The following CALN1 variants were observed in gnomAD, a reference collection of about 807,000 sequenced individuals.
The protein encoded by CALN1 is calcium-binding protein 8.
A neutral mutation model predicts 30.6 loss-of-function variants in CALN1; 17 were observed. The ratio of observed to expected loss-of-function variants is 0.56; its 90% CI spans 0.38 to 0.83. CALN1 has a LOEUF of 0.83. CALN1 is among the 40% of genes least tolerant of loss of function. CALN1 has a pLI of 0.00. For synonymous variants in CALN1, 156 were observed against 131.4 expected (o/e 1.19, Z -1.28); for missense variants, 291 against 354.9 (o/e 0.82, Z 1.45).
chr7:72,481,122 T>C, the CALN1 span, among the ~76,000 whole-genome samples: 1 of 152,190 alleles, frequency 6.6e-6, no homozygotes, highest in Non-Finnish European at 1.5e-5. Context: ...ACGGCTAATT[T>C]TTGTTTTTCT....
rs1239128140 is a variant in CALN1 at position 72,113,342 on chromosome 7, C to CT, written c.245-7049dup. Among the ~76,000 whole-genome samples, 22 of 152,310 alleles carry CT rather than the reference C, an allele frequency of 1.4e-4. No individual in the cohort carries two copies. The East Asian group carries it at 4.3e-3, about 29-fold the overall frequency. On this transcript the variant is annotated intron_variant, in intron 3 of 6. Transcript: ENST00000395275. ...ACCATGGGATCTTTGCACACACTGGCTCCCCTTTGCCTTTCTCCACGGGTA... is the reference window on the plus strand; with the variant it reads ...ACCATGGGATCTTTGCACACACTGGCTTCCCCTTTGCCTTTCTCCACGGGTA...
At chr7:71,788,912 C>G (rs1186728504) in intron 6 of CALN1, among the ~76,000 whole-genome samples, 1 of 151,860 alleles carries the variant, frequency 6.6e-6, no homozygotes, top group East Asian at 2.0e-4. Flanking sequence ...CCCGCCTTGG[C>G]CTCCCAAAGT....
At chr7:71,866,044 C>T (rs952631079) in intron 5 of CALN1, among the ~76,000 whole-genome samples, 4 of 151,674 alleles carry the variant, frequency 2.6e-5, no homozygotes, top group African/African-American at 4.8e-5. Flanking sequence ...CTCGCTCTGT[C>T]GCCCAGGTTG....
At chr7:72,107,034 G>GAA (rs1563064389) in intron 3 of CALN1, among the ~76,000 whole-genome samples, 2 of 147,024 alleles carry the variant, frequency 1.4e-5, no homozygotes, top group Non-Finnish European at 3.0e-5. Flanking sequence ...AAAAGAAAAA[G>GAA]AAAGAAAGAA....
intron 5 of CALN1, among the ~76,000 whole-genome samples, chr7:71,846,736 T>C (rs1215478384): frequency 6.7e-6 from 1 of 149,162 alleles, no homozygotes; most frequent in Non-Finnish European, 1.5e-5. Context: ...GGGATAGTAG[T>C]AAACAAAATC....
chr7:72,338,595 C>T (rs1233934830), intron 2 of CALN1, among the ~76,000 whole-genome samples: 2 of 150,258 alleles, frequency 1.3e-5, no homozygotes, highest in African/African-American at 4.9e-5. Flanking sequence ...TAGCATTTAG[C>T]ATTTCCTAAC....
chr7:72,246,043 T>C (rs1475932602), intron 3 of CALN1, among the ~76,000 whole-genome samples: 1 of 152,188 alleles, frequency 6.6e-6, no homozygotes, highest in Non-Finnish European at 1.5e-5. Flanking sequence ...CCCTATGGGA[T>C]TCCCTCTCTC....
At chr7:72,499,884 T>C in the CALN1 span, among the ~76,000 whole-genome samples, 1 of 72,588 alleles carries the variant, frequency 1.4e-5, no homozygotes, top group African/African-American at 8.3e-5. Context: ...TTTCTTTCTT[T>C]CTTTCTTTCT....
chr7:72,121,846 TATA>T (rs1451762196), intron 3 of CALN1, among the ~76,000 whole-genome samples: 17 of 147,772 alleles, frequency 1.2e-4, no homozygotes, highest in East Asian at 7.8e-4. Context: ...TGTTTATCAT[TATA>T]ATATCTATTA....
At chr7:72,071,358 C>T (rs1292348031) in intron 4 of CALN1, among the ~76,000 whole-genome samples, 1 of 152,142 alleles carries the variant, frequency 6.6e-6, no homozygotes, top group Non-Finnish European at 1.5e-5. Context: ...CCACCCCCAA[C>T]CCTGCCCTGC....
At chr7:71,976,648 C>T (rs993030264) in intron 5 of CALN1, among the ~76,000 whole-genome samples, 6 of 152,188 alleles carry the variant, frequency 3.9e-5, no homozygotes, top group South Asian at 2.1e-4. Flanking sequence ...CAGTGACTCA[C>T]GCTGAAACTG....
intron 5 of CALN1, among the ~76,000 whole-genome samples, chr7:71,861,202 T>C (rs1485002073): frequency 6.6e-6 from 1 of 152,224 alleles, no homozygotes; most frequent in East Asian, 1.9e-4. Flanking sequence ...CGTGTGTGTG[T>C]GTTACGCTTA....
chr7:72,460,157 G>A, the CALN1 span, among the ~76,000 whole-genome samples: 2 of 152,056 alleles, frequency 1.3e-5, no homozygotes, highest in African/African-American at 4.8e-5. Flanking sequence ...CACGGAGATG[G>A]CACCAAGCCA....
At chr7:72,267,629 C>T (rs1796684481) in intron 3 of CALN1, among the ~76,000 whole-genome samples, 1 of 152,172 alleles carries the variant, frequency 6.6e-6, no homozygotes, top group South Asian at 2.1e-4. Context: ...AGCTTGAATC[C>T]CAGGTCCAGC....
chr7:72,345,469 A>G (rs1366742481), intron 2 of CALN1, among the ~76,000 whole-genome samples: 1 of 144,608 alleles, frequency 6.9e-6, no homozygotes, highest in African/African-American at 2.5e-5. Context: ...CAAAAGAAAG[A>G]GAGGGAAGGG....
At chr7:72,287,291 A>C (rs1396880778) in intron 2 of CALN1, among the ~76,000 whole-genome samples, 2 of 152,110 alleles carry the variant, frequency 1.3e-5, no homozygotes, top group African/African-American at 4.8e-5. Context: ...ATGTAACTAC[A>C]TAGAATATAT....
chr7:71,844,074 C>T (rs912615810), intron 5 of CALN1, among the ~76,000 whole-genome samples: 13 of 152,252 alleles, frequency 8.5e-5, no homozygotes, highest in Admixed American at 5.9e-4. Context: ...AGTCATGTCA[C>T]TTTTGCACAA....
At chr7:71,847,145 T>C (rs535458438) in intron 5 of CALN1, among the ~76,000 whole-genome samples, 8 of 151,842 alleles carry the variant, frequency 5.3e-5, no homozygotes, top group Admixed American at 2.0e-4. Context: ...CAGTCTCTTC[T>C]CTTGGTGAAT....
intron 3 of CALN1, among the ~76,000 whole-genome samples, chr7:72,271,575 A>AAAAAAAAAAAAAAAAAAATATAT: frequency 1.9e-5 from 1 of 52,132 alleles, no homozygotes; most frequent in Admixed American, 2.0e-4. Flanking sequence ...AAAAAAAAAA[A>AAAAAAAAAAAAAAAAAAATATAT]ATATATATAT....
Sources: gnomAD v4.1 joint callset for allele counts (sites outside exome capture counted in the v4.1 genomes callset) on GRCh38, gnomAD v4.1.1 for gene constraint, MANE v1.5 for transcripts, NCBI Gene and HGNC (gene_info 2026-07-23, HGNC 2026-07-21) for gene names.